Variants in BACH2 observed in about 807,000 individuals in gnomAD.
BACH2 encodes the protein transcription regulator protein BACH2.
In BACH2, 5 loss-of-function variants were observed where a neutral mutation model predicts 61.8. The ratio of observed to expected loss-of-function variants is 0.08; its 90% confidence interval spans 0.04 to 0.17. BACH2 has a LOEUF of 0.17. BACH2 is among the 10% of genes least tolerant of loss of function. The pLI is 1.00. For missense variants in BACH2, 824 were observed against 1,091.1 expected (o/e 0.76, Z 3.45); for synonymous variants, 446 against 440.1 (o/e 1.01, Z -0.17).
chr6:90,147,719 T>C (rs1254907207), intron 4 of BACH2, among the ~76,000 whole-genome samples: 1 of 152,186 alleles, frequency 6.6e-6, no homozygotes, highest in African/African-American at 2.4e-5. Context: ...CAGGCAGTTT[T>C]CTCCTGAGCA....
chr6:90,214,743 T>C (rs1393709054), intron 3 of BACH2, among the ~76,000 whole-genome samples: 2 of 149,496 alleles, frequency 1.3e-5, no homozygotes, highest in South Asian at 4.2e-4. Flanking sequence ...GGGGCTTAGA[T>C]TCTGTTCCTT....
intron 5 of BACH2, among the ~76,000 whole-genome samples, chr6:90,043,859 C>A (rs751161710): frequency 5.3e-5 from 8 of 152,232 alleles, no homozygotes; most frequent in Non-Finnish European, 1.2e-4. Context: ...CCATCTCAGT[C>A]TCACAAAATT....
intron 5 of BACH2, among the ~76,000 whole-genome samples, chr6:90,057,861 CA>C (rs1263297829): frequency 2.0e-5 from 3 of 152,106 alleles, no homozygotes; most frequent in African/African-American, 7.2e-5. Context: ...TAAACAGAAC[CA>C]AAGACAAAAA....
chr6:90,186,589 C>T (rs370990225), intron 4 of BACH2, among the ~76,000 whole-genome samples: 1 of 152,024 alleles, frequency 6.6e-6, no homozygotes, highest in Non-Finnish European at 1.5e-5. Context: ...TCAAGGTTAT[C>T]GTAAAATATG....
At chr6:90,038,993 T>C (rs1779396740) in intron 5 of BACH2, among the ~76,000 whole-genome samples, 1 of 151,454 alleles carries the variant, frequency 6.6e-6, no homozygotes, top group African/African-American at 2.4e-5. Context: ...TGAGCTGAGA[T>C]TGCACCACTG....
At chr6:90,040,774 A>T (rs190724526) in intron 5 of BACH2, among the ~76,000 whole-genome samples, 1 of 151,914 alleles carries the variant, frequency 6.6e-6, no homozygotes, top group African/African-American at 2.4e-5. Context: ...ATTTATACAC[A>T]TTACATATAT....
chr6:89,960,779 A>G (rs2128359035), intron 6 of BACH2, among the ~76,000 whole-genome samples: 1 of 152,342 alleles, frequency 6.6e-6, no homozygotes, highest in South Asian at 2.1e-4. Context: ...ATGGCACCAG[A>G]GCTTTGTTCC....
intron 4 of BACH2, among the ~76,000 whole-genome samples, chr6:90,165,703 G>A (rs1257760068): frequency 6.6e-6 from 1 of 151,880 alleles, no homozygotes; most frequent in Non-Finnish European, 1.5e-5. Flanking sequence ...CTGGTACCAA[G>A]ACAGACATAT....
At chr6:90,013,578 C>T (rs1230632000) in intron 5 of BACH2, among the ~76,000 whole-genome samples, 6 of 149,146 alleles carry the variant, frequency 4.0e-5, no homozygotes, top group African/African-American at 1.2e-4. Flanking sequence ...GCGATCTCGG[C>T]TCACTGCAAG....
intron 6 of BACH2, among the ~76,000 whole-genome samples, chr6:89,980,822 T>G (rs992101940): frequency 6.6e-6 from 1 of 152,230 alleles, no homozygotes; most frequent in African/African-American, 2.4e-5. Flanking sequence ...TGTGTAGTTT[T>G]AGCATATTTA....
chr6:90,097,678 C>T lies in BACH2; in HGVS notation c.-161-8569G>A, dbSNP rs149005848. 6.0e-4 allele frequency among the ~76,000 whole-genome samples: 91 copies of T among 152,284 alleles called. 1 individual carries two copies. Among genetic ancestry groups the T allele is most frequent in the Middle Eastern group, 6.8e-3 (2 of 294 alleles). Reference sequence around the variant, plus strand: ...AAAAATTATGGTAAAATATCCAAAACGTACAATTTACCACTTTAATCATTT... The same window carrying T: ...AAAAATTATGGTAAAATATCCAAAATGTACAATTTACCACTTTAATCATTT... On this transcript the variant is annotated intron_variant, in intron 4 of 8. Transcript: ENST00000257749.
At position 89,930,399 on chromosome 6, in the gene BACH2, CT is replaced by C. The variant is rs1190037581; in HGVS notation, c.*2008del. On this transcript the variant is annotated 3_prime_UTR_variant, in exon 9 of 9. Transcript: ENST00000257749. ...AGCCTACATCATATACTAATTTCCC[CT>C]TTTACATGCAGCTTTAATATTGTCC... The C allele has an allele frequency of 2.0e-5, 3 of 152,606 alleles. No individual in the cohort carries two copies. Among genetic ancestry groups the C allele is most frequent in the Admixed American group, 1.3e-4 (2 of 15,268 alleles). The allele number at this position is 152,606 out of a possible 1,614,324, so 9.5% of individuals were successfully genotyped here. A position where few individuals can be genotyped will look rare whatever the true frequency, so the allele number is the denominator to read the frequency against.
At chr6:89,991,042 T>TG (rs1776518277) in intron 6 of BACH2, among the ~76,000 whole-genome samples, 1 of 152,248 alleles carries the variant, frequency 6.6e-6, no homozygotes, top group Non-Finnish European at 1.5e-5. Flanking sequence ...CACATCACTC[T>TG]GCTTTACTTT....
intron 4 of BACH2, among the ~76,000 whole-genome samples, chr6:90,169,647 T>C (rs760287854): frequency 6.6e-6 from 1 of 152,238 alleles, no homozygotes; most frequent in Non-Finnish European, 1.5e-5. Flanking sequence ...AGTCTCTGGA[T>C]TAACGGTGCT....
chr6:90,247,326 C>T (rs1005576474), intron 3 of BACH2, among the ~76,000 whole-genome samples: 4 of 151,122 alleles, frequency 2.6e-5, no homozygotes, highest in Non-Finnish European at 5.9e-5. Context: ...ATCTCTAACT[C>T]CTGGGCTCAA....
intron 4 of BACH2, among the ~76,000 whole-genome samples, chr6:90,105,175 T>C (rs1393688389): frequency 6.6e-6 from 1 of 152,220 alleles, no homozygotes; most frequent in Non-Finnish European, 1.5e-5. Flanking sequence ...ACAAGCCCCA[T>C]GTTGCATTCA....
In BACH2 at chr6:89,951,713, G is replaced by T. The variant is rs1210108619; in HGVS notation, c.393C>A (p.Thr131=). The T allele has an allele frequency of 5.6e-6, 9 of 1,614,062 alleles. No individual in the cohort carries two copies. Among genetic ancestry groups the T allele is most frequent in the Non-Finnish European group, 7.6e-6 (9 of 1,180,044 alleles). ...GGCCATCCTCACTGTTCAGGAGCTG[G>T]GTCTGCAGGAAGCTGAAGCAGGAGT... is the stretch of plus-strand genomic sequence containing the variant. ...LEDSCFSFLQ[T]QLLNSEDGLF... Residue 131 remains threonine, a synonymous_variant, in exon 7 of 9, where the codon ACC becomes ACA. Transcript: ENST00000257749. This position sits in a 1 kb window ranked among gnomAD's most constrained non-coding sequence, Gnocchi z 6.4.
chr6:89,957,606 T>G (rs1396834424), intron 6 of BACH2, among the ~76,000 whole-genome samples: 1 of 152,198 alleles, frequency 6.6e-6, no homozygotes, highest in Non-Finnish European at 1.5e-5. Flanking sequence ...TGGCATGATC[T>G]TGCCACTTAC....
chr6:89,967,778 C>T (rs544240472), intron 6 of BACH2, among the ~76,000 whole-genome samples: 1 of 152,310 alleles, frequency 6.6e-6, no homozygotes, highest in East Asian at 1.9e-4. Context: ...TTATATCCCA[C>T]TTCTGTGCTC....
Sources: allele counts gnomAD v4.1 joint callset (sites outside exome capture counted in the v4.1 genomes callset), GRCh38; gene constraint gnomAD v4.1.1; non-coding constraint Gnocchi (gnomAD v3.1); transcripts MANE v1.5; gene names NCBI Gene and HGNC (gene_info 2026-07-23, HGNC 2026-07-21).